Variants in MTCL2 observed in about 807,000 individuals in gnomAD.
MTCL2 encodes the protein microtubule cross-linking factor 2.
the MTCL2 span, among the ~76,000 whole-genome samples, chr20:36,853,089 A>G: frequency 1.3e-5 from 2 of 151,070 alleles, no homozygotes; most frequent in East Asian, 3.9e-4. Flanking sequence ...CCGGGGAAAG[A>G]AGGCCAGGAC....
chr20:36,788,218 A>AG, the MTCL2 span, among the ~76,000 whole-genome samples: 1 of 150,256 alleles, frequency 6.7e-6, no homozygotes, highest in South Asian at 2.1e-4. Flanking sequence ...AAAAAAAAAA[A>AG]AAGTGCTGCT....
At chr20:36,794,035 G>C in the MTCL2 span, 1 of 1,551,430 alleles carries the variant, frequency 6.4e-7, no homozygotes, top group Non-Finnish European at 8.7e-7. This position sits in a 1 kb window ranked among gnomAD's most constrained non-coding sequence, Gnocchi z 5.4. Context: ...GCACACAGTT[G>C]GTGATCTCCT....
chr20:36,777,489 C>T, the MTCL2 span: 2 of 322,544 alleles, frequency 6.2e-6, no homozygotes, highest in Non-Finnish European at 1.1e-5. Context: ...CCATTAAAAA[C>T]GCTTTATAAG....
the MTCL2 span, among the ~76,000 whole-genome samples, chr20:36,790,703 C>G: frequency 6.6e-6 from 1 of 150,948 alleles, no homozygotes; most frequent in Non-Finnish European, 1.5e-5. Flanking sequence ...TCCCAAAGTG[C>G]TAGGATTACA....
chr20:36,807,865 CTTTTTTTTTTTTTTT>C, the MTCL2 span, among the ~76,000 whole-genome samples: 1 of 53,510 alleles, frequency 1.9e-5, no homozygotes, highest in Non-Finnish European at 3.5e-5. Context: ...GAAACCCTGT[CTTTTTTTTTTTTTTT>C]TTTTTTTTTT....
chr20:36,838,136 C>T, the MTCL2 span, among the ~76,000 whole-genome samples: 2 of 151,992 alleles, frequency 1.3e-5, no homozygotes, highest in African/African-American at 2.4e-5. Flanking sequence ...CTGCAAGCTC[C>T]GCCTCGTGGG....
chr20:36,793,508 T>C, the MTCL2 span: 1 of 1,551,702 alleles, frequency 6.4e-7, no homozygotes, highest in South Asian at 1.2e-5. This position sits in a 1 kb window ranked among gnomAD's most constrained non-coding sequence, Gnocchi z 6.8. Context: ...CACAATGCCG[T>C]ACTTGGGAGG....
At chr20:36,824,181 A>G in the MTCL2 span, among the ~76,000 whole-genome samples, 26 of 105,502 alleles carry the variant, frequency 2.5e-4, no homozygotes, top group African/African-American at 8.1e-4. Context: ...CTGCAGTTCT[A>G]CTCCCTGGGA....
the MTCL2 span, among the ~76,000 whole-genome samples, chr20:36,811,708 C>T: frequency 2.0e-5 from 3 of 151,788 alleles, no homozygotes; most frequent in South Asian, 4.2e-4. Context: ...AGTTTTTTCT[C>T]TTTTTGCCAT....
chr20:36,807,564 A>G, the MTCL2 span, among the ~76,000 whole-genome samples: 1 of 152,182 alleles, frequency 6.6e-6, no homozygotes, highest in African/African-American at 2.4e-5. Context: ...GACAGGACGC[A>G]AGGGCTTTGA....
At chr20:36,859,241 C>T in the MTCL2 span, among the ~76,000 whole-genome samples, 1 of 152,218 alleles carries the variant, frequency 6.6e-6, no homozygotes, top group Non-Finnish European at 1.5e-5. Flanking sequence ...CCAGTGGGTT[C>T]CTACATGTTC....
chr20:36,778,830 T>A, the MTCL2 span: 1 of 152,420 alleles, frequency 6.6e-6, no homozygotes, highest in South Asian at 2.1e-4. Flanking sequence ...AGTGAAGACA[T>A]CTGCCCAGAC....
chr20:36,854,210 C>T, the MTCL2 span, among the ~76,000 whole-genome samples: 3 of 152,180 alleles, frequency 2.0e-5, no homozygotes, highest in Non-Finnish European at 4.4e-5. Flanking sequence ...AGCCCCTTAA[C>T]CTCTCTGGGC....
At chr20:36,808,466 C>T in the MTCL2 span, 5 of 1,515,664 alleles carry the variant, frequency 3.3e-6, no homozygotes, top group Admixed American at 9.8e-5. Context: ...CCCTGTCCCT[C>T]TCTCCCCAGC....
chr20:36,819,299 G>A, the MTCL2 span, among the ~76,000 whole-genome samples: 1 of 152,270 alleles, frequency 6.6e-6, no homozygotes, highest in African/African-American at 2.4e-5. Flanking sequence ...TTTTCAAGGT[G>A]GGCTGGTATA....
chr20:36,841,873 GGGT>G, the MTCL2 span, among the ~76,000 whole-genome samples: 2 of 81,400 alleles, frequency 2.5e-5, no homozygotes, highest in Admixed American at 1.2e-4. Flanking sequence ...GTGGGGGGTG[GGGT>G]GTGTGTGTGT....
chr20:36,803,252 C>A, the MTCL2 span: 2 of 1,247,878 alleles, frequency 1.6e-6, no homozygotes, highest in Non-Finnish European at 2.2e-6. Context: ...CAGCTTAGTC[C>A]TCCCCACTCA....
the MTCL2 span, among the ~76,000 whole-genome samples, chr20:36,857,240 C>T: frequency 1.3e-5 from 2 of 152,150 alleles, no homozygotes; most frequent in Middle Eastern, 3.4e-3. Context: ...TGGGACATAT[C>T]CGGGTGTGTC....
At chr20:36,854,431 G>A in the MTCL2 span, among the ~76,000 whole-genome samples, 55 of 152,316 alleles carry the variant, frequency 3.6e-4, 1 homozygote, top group Admixed American at 3.4e-3. Flanking sequence ...TGCTGGGGCT[G>A]AGCGCTCAAA....
Sources: gnomAD v4.1 joint callset for allele counts (sites outside exome capture counted in the v4.1 genomes callset) on GRCh38, gnomAD v4.1.1 for gene constraint, Gnocchi (gnomAD v3.1) non-coding constraint, MANE v1.5 for transcripts, NCBI Gene and HGNC (gene_info 2026-07-23, HGNC 2026-07-21) for gene names.